Variants in DCAKD observed in about 807,000 individuals in gnomAD.
The protein encoded by DCAKD is dephospho-CoA kinase domain containing, also known as dephospho-CoA kinase domain-containing protein.
Under a neutral mutation model 18.7 loss-of-function variants are expected in DCAKD, and 15 were observed. That is an observed-to-expected ratio of 0.80 (90% CI 0.54 to 1.24). DCAKD has a LOEUF of 1.24. Among genes scored for constraint, DCAKD ranks in the 50% most tolerant of loss-of-function variants. DCAKD has a pLI of 0.00. For missense variants in DCAKD, 301 were observed against 322.0 expected, an observed-to-expected ratio of 0.93 and a Z score of 0.50; for synonymous variants, 130 against 133.0, an observed-to-expected ratio of 0.98 and a Z score of 0.16.
intron 1 of DCAKD, among the ~76,000 whole-genome samples, chr17:45,056,654 T>C (rs1202152162): frequency 1.3e-5 from 2 of 152,124 alleles, no homozygotes; most frequent in Admixed American, 6.5e-5. Context: ...TTTGTATTTT[T>C]AGTAGAGACG....
At chr17:45,033,779 T>C (rs2053224281) in intron 3 of DCAKD, 1 of 905,838 alleles carries the variant, frequency 1.1e-6, no homozygotes. Flanking sequence ...GTTGGATTAT[T>C]ATCCCCACTG....
At chr17:45,031,601 A>G (rs1256949628) in intron 3 of DCAKD, 2 of 985,282 alleles carry the variant, frequency 2.0e-6, no homozygotes, top group Non-Finnish European at 2.4e-6. Context: ...AACTTGGAGC[A>G]GAAGCCAAGA....
chr17:45,054,937 A>G (rs2053764725), upstream of DCAKD, among the ~76,000 whole-genome samples: 1 of 152,160 alleles, frequency 6.6e-6, no homozygotes, highest in African/African-American at 2.4e-5. Flanking sequence ...TTCATGTACA[A>G]GTGAGAGCCT....
chr17:45,047,420 C>G (rs766213183), intron 1 of DCAKD, among the ~76,000 whole-genome samples: 1 of 151,214 alleles, frequency 6.6e-6, no homozygotes, highest in South Asian at 2.1e-4. Context: ...GTAGCTGGGA[C>G]TACAGGCATG....
intron 1 of DCAKD, 53 bp from the exon 2 acceptor site, chr17:45,035,052 G>T: frequency 7.7e-6 from 5 of 647,254 alleles, no homozygotes. Context: ...ATAATTGGGA[G>T]AGAGGAGGCA....
intron 1 of DCAKD, among the ~76,000 whole-genome samples, chr17:45,043,572 C>T (rs2053489872): frequency 6.6e-6 from 1 of 152,168 alleles, no homozygotes; most frequent in Non-Finnish European, 1.5e-5. Flanking sequence ...ACACCGGAGG[C>T]AAAGAGCCAG....
intron 1 of DCAKD, among the ~76,000 whole-genome samples, chr17:45,038,819 G>C (rs567066653): frequency 1.3e-5 from 2 of 152,150 alleles, no homozygotes; most frequent in African/African-American, 4.8e-5. Context: ...GGGAGGCTCC[G>C]GGTCCCCAAC....
In DCAKD at chr17:45,034,953, C is replaced by G; in HGVS notation, c.-68G>C. Reference sequence around the variant, plus strand: ...GCTACAGAATCACTGGAGAGCAGGGCAAGTGTGGCCGATGGGGGCGGTCCA... The same window carrying G: ...GCTACAGAATCACTGGAGAGCAGGGGAAGTGTGGCCGATGGGGGCGGTCCA... On this transcript the variant is annotated 5_prime_UTR_variant, in exon 2 of 5. Transcript: ENST00000651974. 1 of 1,549,278 alleles carries G rather than the reference C, an allele frequency of 6.5e-7. No individual in the cohort carries two copies. Among genetic ancestry groups the G allele is most frequent in the South Asian group, 1.1e-5 (1 of 87,090 alleles).
At chr17:45,057,374 G>A (rs561014359) in intron 1 of DCAKD, among the ~76,000 whole-genome samples, 1 of 150,992 alleles carries the variant, frequency 6.6e-6, no homozygotes, top group Non-Finnish European at 1.5e-5. Context: ...AGGCAGAACC[G>A]GGCCAGCTTT....
At chr17:45,058,670 C>T (rs2053814025) in intron 1 of DCAKD, among the ~76,000 whole-genome samples, 1 of 150,080 alleles carries the variant, frequency 6.7e-6, no homozygotes, top group African/African-American at 2.5e-5. Flanking sequence ...GATCCACCCA[C>T]CTCGGCTTCC....
Position 45,034,405 on chromosome 17 carries a change from A to G in DCAKD, c.113-15T>C. On this transcript the variant is annotated splice_polypyrimidine_tract_variant and intron_variant, in intron 2 of 4. Transcript: ENST00000651974. ...TGGCTGCACGACTGTGGCAGGAGGA[A>G]GAAGCTGGGTCACTCCCTGAAGCCT... 1 of 1,613,122 alleles carries G rather than the reference A, an allele frequency of 6.2e-7. No individual in the cohort carries two copies. Among genetic ancestry groups the G allele is most frequent in the Non-Finnish European group, 8.5e-7 (1 of 1,179,824 alleles).
intron 1 of DCAKD, among the ~76,000 whole-genome samples, chr17:45,045,990 AT>A (rs1325661453): frequency 6.6e-6 from 1 of 151,222 alleles, no homozygotes; most frequent in Non-Finnish European, 1.5e-5. Context: ...CGCCCAGCTA[AT>A]TTTTTTTGTA....
rs1272692561 is a variant in DCAKD at position 45,030,100 on chromosome 17, T to C, written c.396A>G (p.Val132=). The C allele has an allele frequency of 2.5e-6, 4 of 1,613,622 alleles. No individual in the cohort carries two copies. The highest frequency in any genetic ancestry group is 3.4e-6 in the Non-Finnish European group (4 of 1,179,704). The part of the protein sequence containing the change: ...KLLKYMKHTV[V]VYCDRDTQLA... ...GCATGCTACACACTCACCAGTATAC[T>C]ACCACGGTGTGCTTCATGTACTTGA... is the stretch of plus-strand genomic sequence containing the variant. The change falls in exon 4 of 5, where the codon GTA becomes GTG. Residue 132 remains valine, a synonymous_variant. Transcript: ENST00000651974.
At chr17:45,052,447 C>A (rs1193363724), upstream of DCAKD, among the ~76,000 whole-genome samples, 1 of 152,162 alleles carries the variant, frequency 6.6e-6, no homozygotes, top group African/African-American at 2.4e-5. Flanking sequence ...AATCCATTTG[C>A]CCTCTCATAC....
In DCAKD at chr17:45,028,906, T is replaced by C. The variant is rs182124444; in HGVS notation, c.404+1186A>G. ...TTTTAGTAGAGATGGGGTTTCACCA[T>C]GTTGGCCAGGCTGGTCTCGAACTCC... On this transcript the variant is annotated intron_variant, in intron 4 of 4. Transcript: ENST00000651974. 1.2e-3 allele frequency among the ~76,000 whole-genome samples: 182 copies of C among 151,196 alleles called. 2 individuals carry two copies. Among genetic ancestry groups the C allele is most frequent in the Admixed American group, 2.5e-3 (38 of 15,172 alleles).
At chr17:45,061,068 C>T (rs1429239662) in exon 1 of DCAKD, 6 of 1,263,386 alleles carry the variant, frequency 4.7e-6, no homozygotes, top group Admixed American at 4.0e-5. Flanking sequence ...GGGTCGGTCC[C>T]ACCAACCTTG....
intron 1 of DCAKD, among the ~76,000 whole-genome samples, chr17:45,049,818 C>G (rs779089792): frequency 1.4e-5 from 2 of 138,768 alleles, no homozygotes; most frequent in Non-Finnish European, 3.0e-5. Flanking sequence ...TTCCTGAGTT[C>G]AAGTGATTCT....
chr17:45,051,539 G>A lies in DCAKD; in HGVS notation c.-293C>T, dbSNP rs1036786973. 11 of 151,450 alleles carry A rather than the reference G, an allele frequency of 7.3e-5. No individual in the cohort carries two copies. Among genetic ancestry groups the A allele is most frequent in the African/African-American group, 2.4e-4 (10 of 41,292 alleles). 9.4% of individuals were successfully genotyped at this position (151,450 alleles called of 1,614,324 possible). A position where few individuals can be genotyped will look rare whatever the true frequency, so the allele number is the denominator to read the frequency against. On this transcript the variant is annotated 5_prime_UTR_variant, in exon 1 of 5. Coordinates refer to ENST00000651974, the MANE Select transcript of DCAKD (RefSeq NM_001288655.2). ...CCGGCTGGCTCTCACCGGCCCGCGT[G>A]GCGCGCTACGTACCCAGCGCCTCCG...
At chr17:45,029,099 G>C (rs2053119843) in intron 4 of DCAKD, among the ~76,000 whole-genome samples, 1 of 152,244 alleles carries the variant, frequency 6.6e-6, no homozygotes, top group Non-Finnish European at 1.5e-5. Context: ...CGTGGGGTTT[G>C]CCTGACCTTA....
Sources: gnomAD v4.1 joint callset for allele counts (sites outside exome capture counted in the v4.1 genomes callset) on GRCh38, gnomAD v4.1.1 for gene constraint, MANE v1.5 for transcripts, NCBI Gene and HGNC (gene_info 2026-07-23, HGNC 2026-07-21) for gene names.